ATP10A: variants seen among roughly 807,000 people sequenced by gnomAD.
ATP10A encodes phospholipid-transporting ATPase VA.
ATP10A carries 111 observed loss-of-function variants against 147.8 expected under a neutral mutation model. That is an observed-to-expected ratio of 0.75 (90% confidence interval 0.64 to 0.88). The LOEUF is 0.88. Among genes scored for constraint, ATP10A ranks in the 40% least tolerant of loss-of-function variants. ATP10A has a pLI of 0.00. For missense variants in ATP10A, 1,927 were observed against 1,959.0 expected (o/e 0.98, Z 0.31); for synonymous variants, 875 against 841.6 (o/e 1.04, Z -0.69).
chr15:25,817,837 G>A (rs567561090), intron 1 of ATP10A, among the ~76,000 whole-genome samples: 5 of 152,250 alleles, frequency 3.3e-5, no homozygotes, highest in South Asian at 4.1e-4. Context: ...AGATGAAACG[G>A]TTTAAAGAAT....
chr15:25,692,291 C>A (rs1453742325), intron 14 of ATP10A, among the ~76,000 whole-genome samples: 1 of 151,994 alleles, frequency 6.6e-6, no homozygotes, highest in African/African-American at 2.4e-5. Flanking sequence ...ACTTTGGGGC[C>A]CTCTAGGGGT....
intron 1 of ATP10A, among the ~76,000 whole-genome samples, chr15:25,795,300 C>T (rs1018028860): frequency 6.6e-6 from 1 of 152,118 alleles, no homozygotes; most frequent in East Asian, 1.9e-4. Flanking sequence ...GACTAAGACA[C>T]AGGCCCACGG....
downstream of ATP10A, among the ~76,000 whole-genome samples, chr15:25,674,143 CCT>C: frequency 6.6e-6 from 1 of 152,306 alleles, no homozygotes. Flanking sequence ...TGCATGGTGC[CCT>C]GACGCCCCTG....
rs753795165 is a variant in ATP10A, at chr15:25,679,307, T to C, written c.*34A>G. ...TAAACATAAATAATATTAACATTTATTTATATATATTAAAAAAGGCCATTT... is the reference window on the plus strand; with the variant it reads ...TAAACATAAATAATATTAACATTTACTTATATATATTAAAAAAGGCCATTT... On this transcript the variant is annotated 3_prime_UTR_variant, in exon 21 of 21. Coordinates refer to ENST00000555815, the MANE Select transcript of ATP10A (RefSeq NM_024490.4). The C allele has an allele frequency of 2.3e-6, 3 of 1,291,612 alleles. No individual in the cohort carries two copies. Among genetic ancestry groups the C allele is most frequent in the Non-Finnish European group, 3.0e-6 (3 of 998,568 alleles). 80.0% of individuals were successfully genotyped at this position (1,291,612 alleles called of 1,614,324 possible).
intron 2 of ATP10A, among the ~76,000 whole-genome samples, chr15:25,780,643 C>T (rs1238772629): frequency 6.6e-6 from 1 of 152,218 alleles, no homozygotes; most frequent in South Asian, 2.1e-4. Context: ...TGTTCCTGAG[C>T]ATCCTGGTGG....
At chr15:25,737,220 T>G (rs775370952) in intron 2 of ATP10A, among the ~76,000 whole-genome samples, 3 of 152,236 alleles carry the variant, frequency 2.0e-5, no homozygotes, top group Non-Finnish European at 4.4e-5. Context: ...TCTCGCTCTA[T>G]TTCCAGAGCA....
In ATP10A at chr15:25,781,078, T is replaced by G. The variant is rs1430282233; in HGVS notation, c.595A>C (p.Asn199His). ...TTCAGGTTGGTCTCTCCATCCAGGT[T>G]GGCGGTCTCGATGTGGCATAGCCCG... The part of the protein sequence containing the change: ...PDGLCHIETA[N>H]LDGETNLKRR... Residue 199 changes from asparagine (N) to histidine (H), a missense_variant, in exon 2 of 21, where the codon AAC becomes CAC. Physicochemically the swap from Asn to His is moderately conservative, Grantham distance 68. Coordinates refer to ENST00000555815, the MANE Select transcript of ATP10A (RefSeq NM_024490.4). 6.2e-7 allele frequency: 1 copy of G among 1,614,044 alleles called. No homozygotes were observed. Among genetic ancestry groups the G allele is most frequent in the African/African-American group, 1.3e-5 (1 of 74,926 alleles).
At chr15:25,792,317 C>T (rs1890463333) in intron 1 of ATP10A, among the ~76,000 whole-genome samples, 1 of 152,196 alleles carries the variant, frequency 6.6e-6, no homozygotes, top group African/African-American at 2.4e-5. Flanking sequence ...CAGGGTGGAG[C>T]CCAGAGACAG....
intron 1 of ATP10A, among the ~76,000 whole-genome samples, chr15:25,835,029 G>A (rs1235865117): frequency 2.0e-5 from 3 of 152,168 alleles, no homozygotes; most frequent in African/African-American, 4.8e-5. Flanking sequence ...TTGGGAGGCC[G>A]AGGCAGGATG....
At chr15:25,713,350 C>T (rs573141010) in intron 10 of ATP10A, among the ~76,000 whole-genome samples, 2 of 152,324 alleles carry the variant, frequency 1.3e-5, no homozygotes, top group African/African-American at 4.8e-5. Context: ...GTCCACAGGG[C>T]AGGAAGAACT....
At chr15:25,800,883 G>C (rs1299621561) in intron 1 of ATP10A, among the ~76,000 whole-genome samples, 7 of 152,124 alleles carry the variant, frequency 4.6e-5, no homozygotes, top group Non-Finnish European at 1.0e-4. Context: ...CAGGAACCGA[G>C]TTCCCATAGA....
chr15:25,708,358 C>T, intron 10 of ATP10A, 58 bp from the exon 11 acceptor site: 2 of 1,473,420 alleles, frequency 1.4e-6, no homozygotes, highest in South Asian at 1.1e-5. Context: ...GAATGGTCTT[C>T]AGACACTCCG....
At chr15:25,769,486 C>CAAAA (rs58272964) in intron 2 of ATP10A, among the ~76,000 whole-genome samples, 3 of 54,770 alleles carry the variant, frequency 5.5e-5, no homozygotes, top group African/African-American at 7.9e-5. Context: ...GACTCTGTCT[C>CAAAA]AAAAAAAAAA....
chr15:25,706,703 C>T (rs754983071), intron 12 of ATP10A, among the ~76,000 whole-genome samples: 2 of 152,186 alleles, frequency 1.3e-5, no homozygotes, highest in Non-Finnish European at 2.9e-5. Context: ...GGGGGCGGAA[C>T]CAGCAAGCAC....
chr15:25,708,190 C>A lies in ATP10A; in HGVS notation c.2448+7G>T, dbSNP rs376913232. 6.2e-7 allele frequency: 1 copy of A among 1,614,230 alleles called. No homozygotes were observed. The highest frequency in any genetic ancestry group is 8.5e-7 in the Non-Finnish European group (1 of 1,180,030). ...ACGTGCACCCTCGCGGAGACACCCC[C>A]ACTCACTCTCTTGGCGATGCACAAG... On this transcript the variant is annotated splice_region_variant and intron_variant, in intron 11 of 20. Transcript: ENST00000555815.
chr15:25,767,986 G>C (rs1454023705), intron 2 of ATP10A, among the ~76,000 whole-genome samples: 1 of 152,242 alleles, frequency 6.6e-6, no homozygotes, highest in African/African-American at 2.4e-5. Context: ...ATGGGGCCAA[G>C]GGGGTCCAAC....
chr15:25,682,639 G>A (rs773817355), intron 17 of ATP10A, among the ~76,000 whole-genome samples: 2 of 152,218 alleles, frequency 1.3e-5, no homozygotes, highest in Non-Finnish European at 2.9e-5. Flanking sequence ...CTGGCCCTTC[G>A]CCTCCTGGCA....
intron 3 of ATP10A, among the ~76,000 whole-genome samples, chr15:25,731,989 G>A (rs1226160486): frequency 6.6e-6 from 1 of 152,076 alleles, no homozygotes; most frequent in East Asian, 1.9e-4. Flanking sequence ...CTGAGTTTCT[G>A]TGACTACAGG....
chr15:25,713,718 C>T lies in ATP10A; in HGVS notation c.2300G>A (p.Gly767Glu). 1 of 1,614,156 alleles carries T rather than the reference C, an allele frequency of 6.2e-7. No homozygotes were observed. Among genetic ancestry groups the T allele is most frequent in the South Asian group, 1.1e-5 (1 of 91,080 alleles). The stretch of plus-strand genomic sequence containing the variant: ...GAGATCCATGACCACTGAGTCGGCC[C>T]CCTTGGTGTAGACGTTGATCTCATC... ...LTDEINVYTK[G>E]ADSVVMDLLQ... Residue 767 changes from glycine to glutamate, a missense_variant, in exon 10 of 21, where the codon GGG becomes GAG. Gly to Glu is a moderately conservative substitution (Grantham distance 98, BLOSUM62 -2). Coordinates refer to ENST00000555815, the MANE Select transcript of ATP10A (RefSeq NM_024490.4).
Sources: allele counts gnomAD v4.1 joint callset (sites outside exome capture counted in the v4.1 genomes callset), GRCh38; gene constraint gnomAD v4.1.1; transcripts MANE v1.5; gene names NCBI Gene and HGNC (gene_info 2026-07-23, HGNC 2026-07-21).